Variants in MTUS2 observed in about 807,000 individuals in gnomAD.
MTUS2 encodes microtubule associated scaffold protein 2, also known as microtubule-associated tumor suppressor candidate 2.
Under a neutral mutation model 114.1 loss-of-function variants are expected in MTUS2, and 40 were observed. That is an observed-to-expected ratio of 0.35 (90% confidence interval 0.27 to 0.46). MTUS2 has a LOEUF of 0.46. MTUS2 is among the 20% of genes least tolerant of loss of function. MTUS2 has a pLI of 1.00. For synonymous variants in MTUS2, 688 were observed against 672.0 expected, an observed-to-expected ratio of 1.02 and a Z score of -0.37; for missense variants, 1,679 against 1,705.4, an observed-to-expected ratio of 0.98 and a Z score of 0.27.
At chr13:29,416,782 G>A (rs1031661438) in intron 8 of MTUS2, among the ~76,000 whole-genome samples, 1 of 151,898 alleles carries the variant, frequency 6.6e-6, no homozygotes, top group Non-Finnish European at 1.5e-5. Flanking sequence ...TCTGAATATC[G>A]AATACTTTTG....
chr13:29,149,766 A>G (rs972077195), intron 5 of MTUS2, among the ~76,000 whole-genome samples: 3 of 152,238 alleles, frequency 2.0e-5, no homozygotes, highest in African/African-American at 7.2e-5. Flanking sequence ...TTTATTAAAA[A>G]GGGACTCCTT....
chr13:29,486,271 G>A (rs148565145), intron 10 of MTUS2, among the ~76,000 whole-genome samples: 20 of 152,280 alleles, frequency 1.3e-4, no homozygotes, highest in African/African-American at 4.6e-4. Context: ...GTCTGCTGTA[G>A]GTTTTGCTCA....
chr13:29,394,540 AT>A (rs1873752946), intron 8 of MTUS2, among the ~76,000 whole-genome samples: 1 of 152,222 alleles, frequency 6.6e-6, no homozygotes, highest in South Asian at 2.1e-4. Context: ...GAGAGAATAC[AT>A]GGTAAATGTC....
chr13:29,384,499 A>T (rs1872501476), intron 8 of MTUS2, among the ~76,000 whole-genome samples: 1 of 152,192 alleles, frequency 6.6e-6, no homozygotes, highest in Non-Finnish European at 1.5e-5. Context: ...CCATGAGAGA[A>T]GCTCAGGCCA....
intron 8 of MTUS2, chr13:29,428,932 C>T: frequency 6.2e-7 from 1 of 1,605,172 alleles, no homozygotes; most frequent in Non-Finnish European, 8.5e-7. Flanking sequence ...TCCCCCTCCT[C>T]CTTTGCAAGG....
At chr13:29,244,723 G>A (rs548555561) in intron 5 of MTUS2, among the ~76,000 whole-genome samples, 4 of 151,848 alleles carry the variant, frequency 2.6e-5, no homozygotes, top group South Asian at 4.2e-4. Context: ...TTGGGAGGCC[G>A]AGGCGGGCGG....
At chr13:29,361,838 G>C (rs1870282153) in intron 8 of MTUS2, among the ~76,000 whole-genome samples, 1 of 152,222 alleles carries the variant, frequency 6.6e-6, no homozygotes, top group African/African-American at 2.4e-5. Context: ...GGCCCTGCCA[G>C]AATTCCATCC....
intron 5 of MTUS2, among the ~76,000 whole-genome samples, chr13:29,126,175 T>C (rs1418194423): frequency 6.6e-6 from 1 of 152,054 alleles, no homozygotes; most frequent in East Asian, 1.9e-4. Context: ...ACTTCCTCTT[T>C]CCCTTAACTC....
intron 2 of MTUS2, among the ~76,000 whole-genome samples, chr13:28,877,032 C>T (rs1877976783): frequency 6.6e-6 from 1 of 151,724 alleles, no homozygotes; most frequent in Non-Finnish European, 1.5e-5. Flanking sequence ...GTGGCTCACT[C>T]CTGTAATCCC....
chr13:29,429,209 A>G (rs537676994), intron 8 of MTUS2, among the ~76,000 whole-genome samples: 2 of 152,372 alleles, frequency 1.3e-5, no homozygotes, highest in Admixed American at 6.5e-5. Context: ...GATCTTTGCA[A>G]TATTCTTAAT....
intron 7 of MTUS2, among the ~76,000 whole-genome samples, chr13:29,350,551 C>T (rs750832499): frequency 6.6e-6 from 1 of 151,800 alleles, no homozygotes; most frequent in Non-Finnish European, 1.5e-5. Flanking sequence ...GCCAGGCTCA[C>T]CCAAGATCAT....
At chr13:28,850,549 C>G (rs537012338) in intron 2 of MTUS2, among the ~76,000 whole-genome samples, 6 of 152,216 alleles carry the variant, frequency 3.9e-5, no homozygotes, top group Non-Finnish European at 8.8e-5. Context: ...CTGATCAACT[C>G]TATTTACAAG....
intron 2 of MTUS2, among the ~76,000 whole-genome samples, chr13:28,897,988 CATGTATACAT>C (rs1255835549): frequency 1.3e-5 from 2 of 151,798 alleles, no homozygotes; most frequent in Non-Finnish European, 2.9e-5. Flanking sequence ...CAACACGGCA[CATGTATACAT>C]ATGTGACTAA....
At chr13:28,820,034 C>T (rs1172985947), upstream of MTUS2, among the ~76,000 whole-genome samples, 1 of 147,116 alleles carries the variant, frequency 6.8e-6, no homozygotes, top group Non-Finnish European at 1.5e-5. Context: ...CTCGGGCCCG[C>T]TCGCCGCCCG....
At chr13:29,421,925 T>C (rs1217710245) in intron 8 of MTUS2, among the ~76,000 whole-genome samples, 8 of 152,218 alleles carry the variant, frequency 5.3e-5, no homozygotes, top group Non-Finnish European at 7.3e-5. Flanking sequence ...GAAACAGAAC[T>C]AATAAAATTG....
chr13:29,242,785 A>G lies in MTUS2; in HGVS notation c.2645-38919A>G, dbSNP rs530027436. 22 of 152,342 alleles carry G rather than the reference A, an allele frequency of 1.4e-4. 1 individual carries two copies. The highest frequency in any genetic ancestry group is 5.3e-4 in the African/African-American group (22 of 41,584). 9.4% of individuals were successfully genotyped at this position (152,342 alleles called of 1,614,324 possible). On this transcript the variant is annotated intron_variant, in intron 5 of 15. Transcript: ENST00000612955. The stretch of plus-strand genomic sequence containing the variant: ...CAACAGCTAACATTGTTGAGTACCT[A>G]CTATTGCCAGGTATGGTTCTAAGTA...
In MTUS2 at chr13:28,820,812, T is replaced by C. The variant is rs574807907; in HGVS notation, c.-316+201T>C. 9.3e-4 allele frequency among the ~76,000 whole-genome samples: 142 copies of C among 152,320 alleles called. 5 individuals are homozygous for C. The South Asian group carries it at 0.029, about 31-fold the overall frequency. ...GCTCTGGCTTAGGGACTGCAGCTCTTTTGGCACCTTCGCTTGCTGCCAGGT... is the reference window on the plus strand; with the variant it reads ...GCTCTGGCTTAGGGACTGCAGCTCTCTTGGCACCTTCGCTTGCTGCCAGGT... On this transcript the variant is annotated intron_variant, in intron 1 of 15. Coordinates refer to ENST00000612955, the MANE Select transcript of MTUS2 (RefSeq NM_001033602.4).
intron 2 of MTUS2, among the ~76,000 whole-genome samples, chr13:28,945,790 A>G (rs1014206529): frequency 1.3e-5 from 2 of 152,090 alleles, no homozygotes; most frequent in Admixed American, 6.6e-5. Flanking sequence ...TCTGTTGATT[A>G]TTTCAGAATT....
rs566516544 is a variant in MTUS2, at chr13:29,114,837, A to G, written c.2644+13867A>G. 2.0e-4 allele frequency among the ~76,000 whole-genome samples: 31 copies of G among 152,272 alleles called. 1 individual carries two copies. Among genetic ancestry groups the G allele is most frequent in the Admixed American group, 1.6e-3 (25 of 15,300 alleles). ...GATCTCTTAAGGTGTGGAAATTTGT[A>G]TTTTCAATTAAGGGCAATGCCAGAT... On this transcript the variant is annotated intron_variant, in intron 5 of 15. Transcript: ENST00000612955.
Sources: gnomAD v4.1 joint callset for allele counts (sites outside exome capture counted in the v4.1 genomes callset) on GRCh38, gnomAD v4.1.1 for gene constraint, MANE v1.5 for transcripts, NCBI Gene and HGNC (gene_info 2026-07-23, HGNC 2026-07-21) for gene names.